MAN2C1: variants seen among roughly 807,000 people sequenced by gnomAD.
MAN2C1 encodes mannosidase alpha class 2C member 1.
Under a neutral mutation model 126.9 loss-of-function variants are expected in MAN2C1, and 111 were observed. That is an observed-to-expected ratio of 0.87 (90% CI 0.75 to 1.02). MAN2C1 has a LOEUF of 1.02. MAN2C1 is among the 50% of genes least tolerant of loss of function. MAN2C1 has a pLI of 0.00. For synonymous variants in MAN2C1, 567 were observed against 561.5 expected (o/e 1.01, Z -0.14); for missense variants, 1,363 against 1,364.4 (o/e 1.00, Z 0.02).
Position 75,367,802 on chromosome 15 carries a change from G to C in MAN2C1, c.228-168C>G, listed in dbSNP as rs2072608072. The C allele has an allele frequency of 4.2e-6, 4 of 956,654 alleles. No homozygotes were observed. In the African/African-American group the frequency reaches 4.9e-5, roughly 12 times the overall value. The allele number at this position is 956,654 out of a possible 1,614,324, so 59.3% of individuals were successfully genotyped here. On this transcript the variant is annotated intron_variant, in intron 2 of 25. Coordinates refer to ENST00000267978, the MANE Select transcript of MAN2C1 (RefSeq NM_006715.4). ...GCAACAAGGTGAGAAGCAAGATGAG[G>C]GAAACAGGCAGAGGCGTCAAAGGTT...
rs755416424 is a variant in MAN2C1, at chr15:75,361,082, C to A, written c.1424G>T (p.Arg475Leu). The change falls in exon 12 of 26, where the codon CGC becomes CTC. Residue 475 changes from arginine (R) to leucine (L), a missense_variant. Around this residue, in one of 3 missense-constraint regions of MAN2C1, gnomAD observed 67 missense variants for 104.5 expected, o/e 0.64. Transcript: ENST00000267978. This position sits in a 1 kb window ranked among gnomAD's most constrained non-coding sequence, Gnocchi z 5.0. ...ATCCGTATTGCTCAGGCGCTTCAGG[C>A]GGTCCAGCATGGTCTGGGTGGGGCC... ...GGGPTQTMLD[R>L]LKRLSNTDGL... is the part of the protein sequence containing the mutation. 12 of 1,611,934 alleles carry A rather than the reference C, an allele frequency of 7.4e-6. No homozygotes were observed. The highest frequency in any genetic ancestry group is 1.0e-5 in the Non-Finnish European group (12 of 1,179,290).
At chr15:75,358,941 G>C in intron 18 of MAN2C1, 118 bp downstream of exon 18, 1 of 1,473,750 alleles carries the variant, frequency 6.8e-7, no homozygotes, top group Non-Finnish European at 9.4e-7. Flanking sequence ...CTCCATGTGT[G>C]GGTTCCAGCC....
At chr15:75,366,090 A>G in intron 4 of MAN2C1, 1 of 318,488 alleles carries the variant, frequency 3.1e-6, no homozygotes, top group African/African-American at 2.2e-5. Flanking sequence ...TCGTCTCAAA[A>G]AAAAGAACAT....
In MAN2C1 at chr15:75,361,935, G is replaced by A. The variant is rs373474109; in HGVS notation, c.1021C>T (p.Pro341Ser). 56 of 1,613,680 alleles carry A rather than the reference G, an allele frequency of 3.5e-5. No individual in the cohort carries two copies. The highest frequency in any genetic ancestry group is 4.2e-5 in the Non-Finnish European group (50 of 1,179,808). The change falls in exon 9 of 26, where the codon CCC becomes TCC. Residue 341 changes from proline (P) to serine (S), a missense_variant. Pro to Ser is a moderately conservative substitution (Grantham distance 74, BLOSUM62 -1). Around this residue, in one of 3 missense-constraint regions of MAN2C1, gnomAD observed 628 missense variants for 609.8 expected, o/e 1.03. Coordinates refer to ENST00000267978, the MANE Select transcript of MAN2C1 (RefSeq NM_006715.4). The surrounding 1 kb of genome is among the most constrained non-coding windows in gnomAD (Gnocchi z 5.0). ...GTWVEMDGNLPSGEAMVRQFL... is the reference protein window; with the variant it reads ...GTWVEMDGNLSSGEAMVRQFL... ...TGCCTCACCATGGCCTCTCCACTGG[G>A]CAGGTTCCCATCCTGGCAGTGAAGG...
At chr15:75,367,692 C>T (rs765789287) in intron 2 of MAN2C1, 58 bp from the exon 3 acceptor site, 2 of 1,599,598 alleles carry the variant, frequency 1.3e-6, no homozygotes, top group Non-Finnish European at 1.7e-6. Context: ...GATATCCTTC[C>T]TTGGATAAAG....
In MAN2C1 at chr15:75,355,880, A is replaced by G. The variant is rs1232007903; in HGVS notation, c.*26T>C. On this transcript the variant is annotated 3_prime_UTR_variant, in exon 26 of 26. Coordinates refer to ENST00000267978, the MANE Select transcript of MAN2C1 (RefSeq NM_006715.4). ...AAATTAGGAGTCCCCAGAGCCTTCT[A>G]CAAACAAAACCCCAGCCCCAGGGAC... 15 of 1,613,072 alleles carry G rather than the reference A, an allele frequency of 9.3e-6. No homozygotes were observed. Among genetic ancestry groups the G allele is most frequent in the Non-Finnish European group, 1.3e-5 (15 of 1,179,676 alleles).
rs893724711 is a variant in MAN2C1 at position 75,356,634 on chromosome 15, C to T, written c.2709G>A (p.Glu903=). The T allele has an allele frequency of 1.3e-6, 2 of 1,568,144 alleles. No individual in the cohort carries two copies. ...TGTGCGGCATCAGTGCATAGGTGAA[C>T]TCGTGGCGCCCCGTGTCAGCAGTAG... ...PDATADTGRH[E]FTYALMPHKG... Residue 903 remains glutamate, a synonymous_variant, in exon 23 of 26, where the codon GAG becomes GAA. Transcript: ENST00000267978. The surrounding 1 kb of genome is among the most constrained non-coding windows in gnomAD (Gnocchi z 5.8).
Position 75,359,752 on chromosome 15 carries a change from G to C in MAN2C1, c.1816C>G (p.Leu606Val). The C allele has an allele frequency of 6.2e-7, 1 of 1,613,986 alleles. No homozygotes were observed. Among genetic ancestry groups the C allele is most frequent in the South Asian group, 1.1e-5 (1 of 91,090 alleles). ...AGGGCTGCGGCTGCAGCGCTGAGCA[G>C]TGTATTGCCATGGGAACGGATGTCT... is the stretch of plus-strand genomic sequence containing the variant. ...YEDIRSHGNT[L>V]LSAAAAALCA... The change falls in exon 16 of 26, where the codon CTG (leucine) becomes GTG (valine). Residue 606 changes from leucine (L) to valine (V), a missense_variant. Around this residue, in one of 3 missense-constraint regions of MAN2C1, gnomAD observed 668 missense variants for 650.1 expected, o/e 1.03. Transcript: ENST00000267978.
rs774057781 is a variant in MAN2C1, at chr15:75,361,108, A to G, written c.1398T>C (p.Gly466=). The change falls in exon 12 of 26, where the codon GGT becomes GGC. Residue 466 remains glycine (G), a synonymous_variant. Transcript: ENST00000267978. The surrounding 1 kb of genome is among the most constrained non-coding windows in gnomAD (Gnocchi z 5.0). ...AFLFGFGDGG[G]GPTQTMLDRL... Reference sequence around the variant, plus strand: ...GGTCCAGCATGGTCTGGGTGGGGCCACCACCCCCATCCCCAAAGCCAAAGA... The same window carrying G: ...GGTCCAGCATGGTCTGGGTGGGGCCGCCACCCCCATCCCCAAAGCCAAAGA... 1.9e-6 allele frequency: 3 copies of G among 1,612,860 alleles called. No individual in the cohort carries two copies. Among genetic ancestry groups the G allele is most frequent in the East Asian group, 4.5e-5 (2 of 44,864 alleles).
chr15:75,367,485 C>G, intron 3 of MAN2C1, 26 bp downstream of exon 3: 1 of 1,611,732 alleles, frequency 6.2e-7, no homozygotes, highest in Non-Finnish European at 8.5e-7. Context: ...TGTGGCCATA[C>G]CTGGCCCTAG....
chr15:75,365,437 G>A (rs1001450237), intron 4 of MAN2C1, among the ~76,000 whole-genome samples: 7 of 152,070 alleles, frequency 4.6e-5, no homozygotes, highest in African/African-American at 1.4e-4. Flanking sequence ...AAACTATACC[G>A]GGATGAGCCG....
At chr15:75,363,384 C>T (rs746902148) in intron 6 of MAN2C1, 3 of 451,190 alleles carry the variant, frequency 6.6e-6, no homozygotes, top group Non-Finnish European at 1.3e-5. Context: ...GGAGTAAGTA[C>T]CTCTCCTGTG....
At position 75,367,634 on chromosome 15, in the gene MAN2C1, T is replaced by A; in HGVS notation, c.228A>T (p.Thr76=). The change falls in exon 3 of 26, where the codon ACA becomes ACT. Residue 76 remains threonine, a splice_region_variant and synonymous_variant. Transcript: ENST00000267978. ...PAQVGDSFGP[T]WWTCWFRVEL... is the part of the protein sequence containing the mutation. ...CCACCCGGAACCAGCAGGTCCACCA[T>A]CTGCAAGAGAGCTGTTGTGATAGGC... is the stretch of plus-strand genomic sequence containing the variant. 1 of 1,614,146 alleles carries A rather than the reference T, an allele frequency of 6.2e-7. No homozygotes were observed. The highest frequency in any genetic ancestry group is 1.3e-5 in the African/African-American group (1 of 75,038).
Position 75,359,181 on chromosome 15 carries a change from G to C in MAN2C1, c.2047-28C>G, listed in dbSNP as rs774527742. 3.7e-6 allele frequency: 6 copies of C among 1,613,064 alleles called. No homozygotes were observed. The African/African-American group carries it at 6.7e-5, about 18-fold the overall frequency. The stretch of plus-strand genomic sequence containing the variant: ...TTGTGGGAGGAGGCCTTGAGGCTGA[G>C]TCTGTAGGGGCTTCCCACACCAAAA... On this transcript the variant is annotated intron_variant, in intron 17 of 25. Coordinates refer to ENST00000267978, the MANE Select transcript of MAN2C1 (RefSeq NM_006715.4).
chr15:75,366,042 G>A (rs901230039), intron 4 of MAN2C1: 1 of 360,134 alleles, frequency 2.8e-6, no homozygotes, highest in Non-Finnish European at 5.5e-6. Flanking sequence ...AGCTGCGATC[G>A]TGCTACTGTA....
intron 5 of MAN2C1, 125 bp downstream of exon 5, chr15:75,364,356 TCTCAACC>T (rs1397530333): frequency 7.8e-7 from 1 of 1,277,100 alleles, no homozygotes; most frequent in African/African-American, 1.5e-5. Flanking sequence ...AGGAAAATTC[TCTCAACC>T]CTCAAGCAGG....
chr15:75,360,028 G>A (rs1181444190), intron 14 of MAN2C1, 40 bp from the exon 15 acceptor site: 3 of 1,613,946 alleles, frequency 1.9e-6, no homozygotes, highest in Non-Finnish European at 2.5e-6. Flanking sequence ...GCTGGGAGGG[G>A]CAGGCACAGA....
chr15:75,364,233 T>C lies in MAN2C1; in HGVS notation c.601-45A>G. ...CTTAATCCCTTTTTCAAGCACAGCT[T>C]CCAGACCTAGGCTCCACTGATCTCA... On this transcript the variant is annotated intron_variant, in intron 5 of 25. Coordinates refer to ENST00000267978, the MANE Select transcript of MAN2C1 (RefSeq NM_006715.4). 5 of 1,559,156 alleles carry C rather than the reference T, an allele frequency of 3.2e-6. No homozygotes were observed. The East Asian group carries it at 1.1e-4, about 35-fold the overall frequency.
rs1372552819 is a variant in MAN2C1, at chr15:75,368,491, G to T, written c.93C>A (p.Leu31=). ...VSPLYFTDCN[L]RGRLFGASCP... Reference sequence around the variant, plus strand: ...GGGACCAGGGGCCACACCTGCCGCGGAGGTTACAGTCGGTAAAGTAGAGCG... The same window carrying T: ...GGGACCAGGGGCCACACCTGCCGCGTAGGTTACAGTCGGTAAAGTAGAGCG... Residue 31 remains leucine (L), a synonymous_variant, in exon 1 of 26, where the codon CTC becomes CTA. Coordinates refer to ENST00000267978, the MANE Select transcript of MAN2C1 (RefSeq NM_006715.4). The T allele has an allele frequency of 4.5e-6, 7 of 1,552,250 alleles. No individual in the cohort carries two copies. The Admixed American group carries it at 1.2e-4, about 26-fold the overall frequency.
Sources: gnomAD v4.1 joint callset for allele counts (sites outside exome capture counted in the v4.1 genomes callset) on GRCh38, gnomAD v4.1.1 for gene constraint, gnomAD v4.1.1 regional missense constraint, Gnocchi (gnomAD v3.1) non-coding constraint, MANE v1.5 for transcripts, NCBI Gene and HGNC (gene_info 2026-07-23, HGNC 2026-07-21) for gene names.